The following DNAI4 variants were observed in gnomAD, a reference collection of about 807,000 sequenced individuals.
The protein encoded by DNAI4 is dynein axonemal intermediate chain 4.
A neutral mutation model predicts 105.8 loss-of-function variants in DNAI4; 85 were observed. The observed-to-expected ratio is 0.80, with a 90% CI of 0.67 to 0.96. The LOEUF (loss-of-function observed/expected upper bound fraction) is 0.96. Ranked by LOEUF, DNAI4 falls within the 40% of genes least tolerant of loss-of-function variation. DNAI4 has a pLI of 0.00. For missense variants in DNAI4, 1,014 were observed against 1,005.6 expected, an observed-to-expected ratio of 1.01 and a Z score of -0.11; for synonymous variants, 352 against 331.5, an observed-to-expected ratio of 1.06 and a Z score of -0.67.
Position 66,893,389 on chromosome 1 carries a change from C to A in DNAI4, c.370G>T (p.Val124Phe). Residue 124 changes from valine to phenylalanine, a missense_variant, in exon 3 of 17, where the codon GTT (valine) becomes TTT (phenylalanine). Transcript: ENST00000371026. The part of the protein sequence containing the change: ...TQVFDINGTD[V>F]TPRPLYHPDP... ...GGATGGTAAAGAGGTCGGGGAGTAA[C>A]ATCAGTTCCATTTATGTCAAATACC... The A allele has an allele frequency of 1.3e-6, 2 of 1,573,222 alleles. No homozygotes were observed. Among genetic ancestry groups the A allele is most frequent in the Non-Finnish European group, 8.6e-7 (1 of 1,161,206 alleles).
chr1:66,919,831 A>G (rs1650331286), intron 1 of DNAI4, among the ~76,000 whole-genome samples: 1 of 152,216 alleles, frequency 6.6e-6, no homozygotes, highest in South Asian at 2.1e-4. Flanking sequence ...CCAAAGAAAA[A>G]ATGTACTGAA....
intron 7 of DNAI4, among the ~76,000 whole-genome samples, chr1:66,859,113 A>C (rs1257529882): frequency 6.6e-6 from 1 of 152,220 alleles, no homozygotes; most frequent in Non-Finnish European, 1.5e-5. Context: ...TAAATTGTAC[A>C]TAGGACCCTT....
At chr1:66,853,172 A>G (rs1646432145) in intron 7 of DNAI4, among the ~76,000 whole-genome samples, 1 of 152,228 alleles carries the variant, frequency 6.6e-6, no homozygotes, top group Non-Finnish European at 1.5e-5. Flanking sequence ...TCCTAACAAG[A>G]AGCTGATGAG....
At chr1:66,846,631 G>A (rs957390031) in intron 8 of DNAI4, among the ~76,000 whole-genome samples, 7 of 152,182 alleles carry the variant, frequency 4.6e-5, no homozygotes, top group Non-Finnish European at 1.0e-4. Context: ...TCTTTTGAAT[G>A]ATACACTTTG....
At chr1:66,836,262 A>AAGAGAGAGAG (rs1292261013) in intron 10 of DNAI4, among the ~76,000 whole-genome samples, 1 of 11,716 alleles carries the variant, frequency 8.5e-5, no homozygotes, top group Non-Finnish European at 1.9e-4. Context: ...GAGAGAAAGA[A>AAGAGAGAGAG]AGAAAGAAAG....
chr1:66,833,424 G>A (rs1036768980), intron 13 of DNAI4, among the ~76,000 whole-genome samples, 161 bp downstream of exon 13: 2 of 151,912 alleles, frequency 1.3e-5, no homozygotes. Flanking sequence ...TCTTCCACCT[G>A]CATCCCCTAG....
At chr1:66,826,301 T>C (rs1228931787) in intron 15 of DNAI4, among the ~76,000 whole-genome samples, 1 of 151,834 alleles carries the variant, frequency 6.6e-6, no homozygotes, top group Non-Finnish European at 1.5e-5. Context: ...ACCACTTTCT[T>C]TAGTCTTTTT....
At chr1:66,874,685 C>T (rs903569605) in intron 5 of DNAI4, 96 bp downstream of exon 5, 1 of 1,330,750 alleles carries the variant, frequency 7.5e-7, no homozygotes, top group Non-Finnish European at 1.0e-6. Context: ...GTGTATACCC[C>T]AGAACCCCCA....
At chr1:66,825,339 C>T (rs1283726639) in intron 15 of DNAI4, among the ~76,000 whole-genome samples, 10 of 151,266 alleles carry the variant, frequency 6.6e-5, no homozygotes, top group African/African-American at 2.4e-4. Flanking sequence ...GCCACCGCGC[C>T]CGGCTAATTT....
At chr1:66,843,692 T>A (rs1646203938) in intron 8 of DNAI4, among the ~76,000 whole-genome samples, 1 of 152,168 alleles carries the variant, frequency 6.6e-6, no homozygotes, top group Non-Finnish European at 1.5e-5. Flanking sequence ...CTATGATCCA[T>A]TTGAGTTAAT....
intron 8 of DNAI4, among the ~76,000 whole-genome samples, chr1:66,845,156 A>C (rs112337494): frequency 0.013 from 1,467 of 114,424 alleles, 11 homozygotes; most frequent in Admixed American, 0.02. Context: ...GTGCCTTTGC[A>C]CTCCAGCCTG....
At position 66,834,156 on chromosome 1, in the gene DNAI4, A is replaced by G; in HGVS notation, c.1734-8T>C. Reference sequence around the variant, plus strand: ...TGTTTTTGAGGTGATTCACTAAAACAGTAAAAAAAATACTAAACATATAAT... The same window carrying G: ...TGTTTTTGAGGTGATTCACTAAAACGGTAAAAAAAATACTAAACATATAAT... On this transcript the variant is annotated splice_polypyrimidine_tract_variant and splice_region_variant and intron_variant, in intron 11 of 16. Coordinates refer to ENST00000371026, the MANE Select transcript of DNAI4 (RefSeq NM_024763.5). The G allele has an allele frequency of 6.3e-7, 1 of 1,588,048 alleles. No individual in the cohort carries two copies. The highest frequency in any genetic ancestry group is 8.5e-7 in the Non-Finnish European group (1 of 1,170,992).
chr1:66,863,372 T>G (rs1646667428), intron 6 of DNAI4, among the ~76,000 whole-genome samples: 1 of 152,204 alleles, frequency 6.6e-6, no homozygotes, highest in Non-Finnish European at 1.5e-5. Context: ...CAACTATTAT[T>G]TTCCTAATAC....
At chr1:66,848,506 A>G (rs1646326645) in intron 7 of DNAI4, among the ~76,000 whole-genome samples, 2 of 152,232 alleles carry the variant, frequency 1.3e-5, no homozygotes, top group Admixed American at 6.5e-5. Context: ...TGTTCTGCCT[A>G]CTGCACTACT....
chr1:66,845,190 CAAA>C (rs59265844), intron 8 of DNAI4, among the ~76,000 whole-genome samples: 1 of 106,318 alleles, frequency 9.4e-6, no homozygotes, highest in Non-Finnish European at 1.8e-5. Context: ...AACTCCATCT[CAAA>C]AAAAAAAAAA....
chr1:66,834,066 T>G lies in DNAI4; in HGVS notation c.1816A>C (p.Arg606=). Residue 606 remains arginine (R), a synonymous_variant, in exon 12 of 17, where the codon AGA becomes CGA. Coordinates refer to ENST00000371026, the MANE Select transcript of DNAI4 (RefSeq NM_024763.5). ...GCTGATATAGAAACTAGTATTTCTC[T>G]TTTGCCATCTCCTGTTGTTCCTCGA... ...QDRGTTGDGK[R]EILVSISADG... 1 of 1,612,890 alleles carries G rather than the reference T, an allele frequency of 6.2e-7. No homozygotes were observed. The highest frequency in any genetic ancestry group is 2.2e-5 in the East Asian group (1 of 44,770).
At chr1:66,844,474 A>G (rs1450207081) in intron 8 of DNAI4, among the ~76,000 whole-genome samples, 2 of 151,850 alleles carry the variant, frequency 1.3e-5, no homozygotes, top group African/African-American at 2.4e-5. Flanking sequence ...GAGGTGGGAG[A>G]ATCCCTTGAG....
chr1:66,840,346 T>C, intron 9 of DNAI4, 123 bp downstream of exon 9: 1 of 904,608 alleles, frequency 1.1e-6, no homozygotes, highest in South Asian at 1.7e-5. Flanking sequence ...ATTCTAAAAC[T>C]CAAAGTTATG....
At chr1:66,850,890 AT>A (rs1413691921) in intron 7 of DNAI4, among the ~76,000 whole-genome samples, 1 of 152,002 alleles carries the variant, frequency 6.6e-6, no homozygotes, top group African/African-American at 2.4e-5. Flanking sequence ...GGTAAAAAAA[AT>A]GTTTGGAAAA....
Sources: gnomAD v4.1 joint callset for allele counts (sites outside exome capture counted in the v4.1 genomes callset) on GRCh38, gnomAD v4.1.1 for gene constraint, MANE v1.5 for transcripts, NCBI Gene and HGNC (gene_info 2026-07-23, HGNC 2026-07-21) for gene names.